The following CORO2B variants were observed in gnomAD, a reference collection of about 807,000 sequenced individuals.
The protein encoded by CORO2B is coronin 2B.
In CORO2B, 26 loss-of-function variants were observed where a neutral mutation model predicts 58.8. The observed-to-expected ratio is 0.44, with a 90% CI of 0.32 to 0.61. The LOEUF is 0.61. CORO2B is among the 20% of genes least tolerant of loss of function. The probability of loss-of-function intolerance (pLI) is 0.04; values close to 1 mark genes in which losing one functional copy is unlikely to be tolerated. For synonymous variants in CORO2B, 242 were observed against 253.8 expected (o/e 0.95, Z 0.44); for missense variants, 460 against 645.1 (o/e 0.71, Z 3.11).
chr15:68,637,717 A>G (rs1901074762), intron 1 of CORO2B, among the ~76,000 whole-genome samples: 2 of 145,314 alleles, frequency 1.4e-5, no homozygotes, highest in South Asian at 4.3e-4. Context: ...GGGAGCTACC[A>G]GGGCAGATCT....
rs762684527 is a variant in CORO2B, at chr15:68,715,241, G to T, written c.897G>T (p.Glu299Asp). The T allele has an allele frequency of 7.4e-6, 12 of 1,614,080 alleles. No individual in the cohort carries two copies. Among genetic ancestry groups the T allele is most frequent in the Admixed American group, 1.7e-5 (1 of 60,008 alleles). ...GKGDGNIRYY[E>D]ISTEKPYLSY... ...GTGATGGAAACATCCGGTACTACGA[G>T]ATCAGCACTGAGAAGCCCTACCTGA... Residue 299 changes from glutamate (E) to aspartate (D), a missense_variant, in exon 8 of 12, where the codon GAG (glutamate) becomes GAT (aspartate). Physicochemically the swap from Glu to Asp is conservative, Grantham distance 45. This residue lies in a region of CORO2B where 352 missense variants were observed against 543.0 expected (regional missense o/e 0.65). Transcript: ENST00000261861.
the CORO2B span, among the ~76,000 whole-genome samples, chr15:68,552,888 G>A: frequency 3.9e-5 from 6 of 152,340 alleles, no homozygotes; most frequent in South Asian, 4.1e-4. Flanking sequence ...ACCAGGACAC[G>A]TAGTGGTTGC....
At chr15:68,578,755 C>T (rs1457416775), upstream of CORO2B, among the ~76,000 whole-genome samples, 1 of 152,070 alleles carries the variant, frequency 6.6e-6, no homozygotes, top group African/African-American at 2.4e-5. The surrounding 1 kb of genome is among the most constrained non-coding windows in gnomAD (Gnocchi z 4.2). Context: ...GAGCCAGCCT[C>T]GCCCAGCCGC....
intron 3 of CORO2B, among the ~76,000 whole-genome samples, chr15:68,705,436 C>CAAAAAA (rs35973911): frequency 1.8e-5 from 2 of 112,766 alleles, no homozygotes; most frequent in Non-Finnish European, 1.8e-5. Context: ...AACTCTATCT[C>CAAAAAA]AAAAAAAAAA....
At chr15:68,648,604 T>C (rs1266869145) in intron 2 of CORO2B, among the ~76,000 whole-genome samples, 2 of 151,920 alleles carry the variant, frequency 1.3e-5, no homozygotes, top group Non-Finnish European at 2.9e-5. Flanking sequence ...GAGCCAAGAT[T>C]GCGCCAGTGC....
intron 1 of CORO2B, among the ~76,000 whole-genome samples, chr15:68,589,802 G>A (rs1460474813): frequency 6.6e-6 from 1 of 152,246 alleles, no homozygotes; most frequent in Middle Eastern, 3.2e-3. Flanking sequence ...GGCTCCCCAA[G>A]TGACCAACTA....
chr15:68,666,459 G>A (rs1332600396), intron 2 of CORO2B, among the ~76,000 whole-genome samples: 2 of 152,230 alleles, frequency 1.3e-5, no homozygotes, highest in East Asian at 3.8e-4. Flanking sequence ...AGGACCCAGG[G>A]AGTGGGTGAG....
At chr15:68,650,876 T>A (rs550066952) in intron 2 of CORO2B, among the ~76,000 whole-genome samples, 2 of 152,274 alleles carry the variant, frequency 1.3e-5, no homozygotes, top group South Asian at 4.1e-4. Context: ...GGGTGTGCAC[T>A]GGGTAAAGAC....
At chr15:68,579,899 C>T (rs1566976827) in intron 1 of CORO2B, among the ~76,000 whole-genome samples, 4 of 152,204 alleles carry the variant, frequency 2.6e-5, no homozygotes, top group Admixed American at 2.6e-4. Context: ...TGGCAGCCCC[C>T]ATATTGGAGG....
chr15:68,641,811 C>A (rs1198039664), intron 1 of CORO2B, among the ~76,000 whole-genome samples: 3 of 152,132 alleles, frequency 2.0e-5, no homozygotes, highest in African/African-American at 7.2e-5. Context: ...GCAACCTCCA[C>A]CTCCCAGGCT....
At chr15:68,524,510 G>C in the CORO2B span, among the ~76,000 whole-genome samples, 1 of 152,038 alleles carries the variant, frequency 6.6e-6, no homozygotes, top group Non-Finnish European at 1.5e-5. Context: ...CCATTTTATT[G>C]CATGTACCTT....
chr15:68,535,906 G>T, the CORO2B span, among the ~76,000 whole-genome samples: 4 of 152,114 alleles, frequency 2.6e-5, no homozygotes. Flanking sequence ...AGAACTTCAG[G>T]TGATTCTGGA....
rs1165072896 is a variant in CORO2B, at chr15:68,727,286, G to C, written c.*1312G>C. 1 of 152,640 alleles carries C rather than the reference G, an allele frequency of 6.6e-6. No individual in the cohort carries two copies. Among genetic ancestry groups the C allele is most frequent in the African/African-American group, 2.4e-5 (1 of 41,452 alleles). 9.5% of individuals were successfully genotyped at this position (152,640 alleles called of 1,614,324 possible). On this transcript the variant is annotated 3_prime_UTR_variant, in exon 12 of 12. Transcript: ENST00000261861. ...CCTTCTGCAGATGAGGAAACCGAGAGAAGTGGCCCAAGGTCACGCAACTCT... is the reference window on the plus strand; with the variant it reads ...CCTTCTGCAGATGAGGAAACCGAGACAAGTGGCCCAAGGTCACGCAACTCT...
intron 2 of CORO2B, among the ~76,000 whole-genome samples, chr15:68,652,758 TAAAG>T (rs1292847778): frequency 6.6e-6 from 1 of 152,302 alleles, no homozygotes; most frequent in East Asian, 1.9e-4. Context: ...GTTTTACAGA[TAAAG>T]AAACAGAGGC....
intron 1 of CORO2B, among the ~76,000 whole-genome samples, chr15:68,595,485 C>T (rs751104729): frequency 4.6e-5 from 7 of 152,190 alleles, no homozygotes; most frequent in Admixed American, 6.5e-5. Context: ...CTCAGATATC[C>T]GCTGTCCTCC....
intron 10 of CORO2B, 64 bp downstream of exon 10, chr15:68,719,298 C>T: frequency 6.3e-7 from 1 of 1,596,272 alleles, no homozygotes; most frequent in Non-Finnish European, 8.6e-7. Flanking sequence ...GCGCAGCTCA[C>T]CCCAGTTCTC....
At chr15:68,605,337 A>G (rs1045756932) in intron 1 of CORO2B, among the ~76,000 whole-genome samples, 8 of 152,218 alleles carry the variant, frequency 5.3e-5, no homozygotes, top group Non-Finnish European at 1.0e-4. Context: ...GCTTCTGGGA[A>G]CCTGTCCAAA....
intron 1 of CORO2B, among the ~76,000 whole-genome samples, chr15:68,598,238 G>A (rs1899890287): frequency 6.6e-6 from 1 of 152,236 alleles, no homozygotes; most frequent in Non-Finnish European, 1.5e-5. Context: ...GAATTGGGGT[G>A]TCCCGGCTCT....
the CORO2B span, among the ~76,000 whole-genome samples, chr15:68,520,232 G>A: frequency 5.9e-5 from 9 of 152,108 alleles, no homozygotes; most frequent in South Asian, 8.3e-4. Context: ...ACTTGAATGC[G>A]TTTTCTATGG....
Sources: gnomAD v4.1 joint callset for allele counts (sites outside exome capture counted in the v4.1 genomes callset) on GRCh38, gnomAD v4.1.1 for gene constraint, gnomAD v4.1.1 regional missense constraint, Gnocchi (gnomAD v3.1) non-coding constraint, MANE v1.5 for transcripts, NCBI Gene and HGNC (gene_info 2026-07-23, HGNC 2026-07-21) for gene names.